Variants in CNBD1 observed in about 807,000 individuals in gnomAD.
CNBD1 encodes the protein cyclic nucleotide-binding domain-containing protein 1.
CNBD1 carries 71 observed loss-of-function variants against 54.4 expected under a neutral mutation model. The observed-to-expected ratio is 1.30, with a 90% CI of 1.08 to 1.59. The LOEUF is 1.59. Ranked by LOEUF, CNBD1 falls within the 40% of genes most tolerant of loss-of-function variation. CNBD1 has a pLI of 0.00. For missense variants in CNBD1, 659 were observed against 518.0 expected (o/e 1.27, Z -2.64); for synonymous variants, 182 against 170.7 (o/e 1.07, Z -0.51).
intron 4 of CNBD1, among the ~76,000 whole-genome samples, chr8:87,116,892 C>G (rs1363430919): frequency 6.6e-6 from 1 of 152,086 alleles, no homozygotes; most frequent in East Asian, 1.9e-4. Flanking sequence ...CTTCAGGGCC[C>G]CTATTTTCTT....
intron 4 of CNBD1, among the ~76,000 whole-genome samples, chr8:86,946,579 A>C (rs112787267): frequency 0.024 from 3,663 of 152,208 alleles, 144 homozygotes; most frequent in African/African-American, 0.085. Context: ...ATGTCTTAGT[A>C]AGTATTTAGT....
At chr8:86,997,953 T>C (rs934549456) in intron 4 of CNBD1, among the ~76,000 whole-genome samples, 1 of 152,174 alleles carries the variant, frequency 6.6e-6, no homozygotes, top group Non-Finnish European at 1.5e-5. Flanking sequence ...GTTAAACACA[T>C]TTCTGTCCTT....
intron 4 of CNBD1, among the ~76,000 whole-genome samples, chr8:87,169,196 A>G (rs1213551096): frequency 6.6e-6 from 1 of 152,094 alleles, no homozygotes; most frequent in Non-Finnish European, 1.5e-5. Context: ...GGGCCTTTTC[A>G]TACACATTTT....
chr8:86,982,723 A>C (rs1196526775), intron 4 of CNBD1, among the ~76,000 whole-genome samples: 1 of 152,146 alleles, frequency 6.6e-6, no homozygotes, highest in Non-Finnish European at 1.5e-5. Flanking sequence ...AGGGAGTGTG[A>C]GTTATCCCAT....
chr8:87,325,182 T>G (rs1809640666), intron 8 of CNBD1, among the ~76,000 whole-genome samples: 1 of 95,238 alleles, frequency 1.0e-5, no homozygotes, highest in South Asian at 2.6e-4. Flanking sequence ...TTGTTATAAT[T>G]TCTGTTCTTT....
chr8:86,894,400 A>T (rs1586117345), intron 2 of CNBD1, among the ~76,000 whole-genome samples: 1 of 152,220 alleles, frequency 6.6e-6, no homozygotes, highest in Non-Finnish European at 1.5e-5. Flanking sequence ...TTACAAAAAA[A>T]TTGAGTAGAA....
At chr8:86,879,424 G>A (rs2131776911) in intron 1 of CNBD1, among the ~76,000 whole-genome samples, 1 of 152,310 alleles carries the variant, frequency 6.6e-6, no homozygotes, top group South Asian at 2.1e-4. Flanking sequence ...TTTTTCTATG[G>A]AAGACGAGTT....
At chr8:87,042,568 A>G (rs535839329) in intron 4 of CNBD1, among the ~76,000 whole-genome samples, 1 of 152,208 alleles carries the variant, frequency 6.6e-6, no homozygotes, top group Non-Finnish European at 1.5e-5. Context: ...ATTGACCAGA[A>G]TAGATTAAAG....
intron 8 of CNBD1, among the ~76,000 whole-genome samples, chr8:87,346,130 C>A (rs1204707732): frequency 1.3e-5 from 2 of 152,048 alleles, no homozygotes; most frequent in Non-Finnish European, 2.9e-5. Flanking sequence ...CAGCCTCTGC[C>A]TCCCTGATTT....
intron 4 of CNBD1, among the ~76,000 whole-genome samples, chr8:87,024,008 C>T (rs891494693): frequency 2.0e-5 from 3 of 151,902 alleles, no homozygotes; most frequent in Non-Finnish European, 4.4e-5. Context: ...GAGGCCGAGG[C>T]GGGTGGATCA....
chr8:86,963,410 G>A (rs963722432), intron 4 of CNBD1, among the ~76,000 whole-genome samples: 2 of 152,156 alleles, frequency 1.3e-5, no homozygotes, highest in Non-Finnish European at 2.9e-5. Flanking sequence ...CAGGTCTATT[G>A]TTCCATTCCA....
At chr8:86,964,565 C>G (rs1563839759) in intron 4 of CNBD1, among the ~76,000 whole-genome samples, 1 of 152,196 alleles carries the variant, frequency 6.6e-6, no homozygotes, top group African/African-American at 2.4e-5. Flanking sequence ...ATCTGAAAAC[C>G]TGCTTGGATC....
intron 4 of CNBD1, among the ~76,000 whole-genome samples, chr8:86,967,004 A>G (rs148423356): frequency 3.0e-3 from 450 of 152,242 alleles, no homozygotes; most frequent in African/African-American, 0.01. Context: ...TGTATTTACA[A>G]ACCTTTAGCT....
At chr8:87,256,409 T>A (rs766725333) in intron 6 of CNBD1, among the ~76,000 whole-genome samples, 6 of 152,016 alleles carry the variant, frequency 3.9e-5, no homozygotes, top group East Asian at 1.9e-4. Flanking sequence ...TTAGAATGTA[T>A]GTAAGTATTG....
chr8:87,291,251 A>G (rs901306121), intron 8 of CNBD1, among the ~76,000 whole-genome samples: 7 of 148,842 alleles, frequency 4.7e-5, no homozygotes, highest in Non-Finnish European at 7.4e-5. Context: ...TAGTTCTTCT[A>G]GTGTCACTAT....
At chr8:87,137,056 ATTATAT>A (rs1307608860) in intron 4 of CNBD1, among the ~76,000 whole-genome samples, 1 of 126,626 alleles carries the variant, frequency 7.9e-6, no homozygotes, top group Non-Finnish European at 1.6e-5. Context: ...AATTATATAT[ATTATAT>A]TTATATTCTA....
rs538141200 is a variant in CNBD1 at position 86,975,581 on chromosome 8, ATAG to A, written c.431+35829_431+35831del. Among the ~76,000 whole-genome samples, 15 of 152,118 alleles carry A rather than the reference ATAG, an allele frequency of 9.9e-5. No individual in the cohort carries two copies. The East Asian group carries it at 2.7e-3, about 27-fold the overall frequency. On this transcript the variant is annotated intron_variant, in intron 4 of 10. Transcript: ENST00000518476. ...AATTTTCTTCTTTTTTTAAGGCATA[ATAG>A]TGTTCCATTTCGTGTATATACCACT...
At chr8:87,057,807 T>A (rs1223461336) in intron 4 of CNBD1, among the ~76,000 whole-genome samples, 1 of 151,922 alleles carries the variant, frequency 6.6e-6, no homozygotes, top group Non-Finnish European at 1.5e-5. Flanking sequence ...CAAGATCATG[T>A]CACTTCACTC....
chr8:87,179,391 A>G (rs1435645782), intron 4 of CNBD1, among the ~76,000 whole-genome samples: 2 of 152,168 alleles, frequency 1.3e-5, no homozygotes, highest in African/African-American at 4.8e-5. Flanking sequence ...AATTATCTTG[A>G]AGGTATTATT....
Sources: allele counts gnomAD v4.1 joint callset (sites outside exome capture counted in the v4.1 genomes callset), GRCh38; gene constraint gnomAD v4.1.1; transcripts MANE v1.5; gene names NCBI Gene and HGNC (gene_info 2026-07-23, HGNC 2026-07-21).